The following PCDHA5 variants were observed in gnomAD, a reference collection of about 807,000 sequenced individuals.
PCDHA5 encodes the protein protocadherin alpha 5.
In PCDHA5, 43 loss-of-function variants were observed where a neutral mutation model predicts 61.6. The observed-to-expected ratio is 0.70, with a 90% confidence interval of 0.55 to 0.90. PCDHA5 has a LOEUF of 0.90. Ranked by LOEUF, PCDHA5 falls within the 40% of genes least tolerant of loss-of-function variation. The pLI is 0.00. For missense variants in PCDHA5, 1,298 were observed against 1,222.7 expected, an observed-to-expected ratio of 1.06 and a Z score of -0.92; for synonymous variants, 627 against 543.9, an observed-to-expected ratio of 1.15 and a Z score of -2.13.
chr5:140,866,796 G>T (rs1360079320), intron 1 of PCDHA5: 1 of 152,128 alleles, frequency 6.6e-6, no homozygotes, highest in African/African-American at 2.4e-5. Flanking sequence ...TATAGTAAAA[G>T]TCAGGCACAA....
Position 140,821,985 on chromosome 5 carries a change from C to CG in PCDHA5, c.214dup (p.Asp72GlyfsTer56). ...TGTTCCGGGTGGCGTCCAAGGGCCGCGGGGACCTTCTGGAGGTAAATCTGC... is the reference window on the plus strand; with the variant it reads ...TGTTCCGGGTGGCGTCCAAGGGCCGCGGGGGACCTTCTGGAGGTAAATCTGC... On this transcript the variant is annotated frameshift_variant, in exon 1 of 4. Transcript: ENST00000529859. LOFTEE classifies it high-confidence loss of function. The CG allele has an allele frequency of 6.2e-7, 1 of 1,614,156 alleles. No homozygotes were observed. The highest frequency in any genetic ancestry group is 1.1e-5 in the South Asian group (1 of 91,082).
intron 1 of PCDHA5, chr5:140,877,100 C>A (rs782669477): frequency 2.5e-6 from 4 of 1,613,344 alleles, no homozygotes; most frequent in African/African-American, 1.3e-5. Context: ...GCCGGCGTGC[C>A]GCCTCTGGGC....
At chr5:140,899,795 G>A (rs551068307) in intron 1 of PCDHA5, among the ~76,000 whole-genome samples, 59 of 152,222 alleles carry the variant, frequency 3.9e-4, no homozygotes, top group Non-Finnish European at 7.5e-4. Flanking sequence ...ATTCGGCTGT[G>A]AATCCAATAT....
intron 1 of PCDHA5, chr5:140,884,365 CT>C (rs1264541175): frequency 6.2e-7 from 1 of 1,613,846 alleles, no homozygotes; most frequent in Non-Finnish European, 8.5e-7. Context: ...TCAATGTTTA[CT>C]TGATCATTGC....
chr5:140,980,901 T>C, intron 2 of PCDHA5, among the ~76,000 whole-genome samples: 1 of 152,218 alleles, frequency 6.6e-6, no homozygotes, highest in East Asian at 1.9e-4. Context: ...TTGGACATCA[T>C]GTAACTATTC....
intron 1 of PCDHA5, chr5:140,967,531 T>C (rs1399482021): frequency 3.7e-6 from 6 of 1,613,104 alleles, no homozygotes; most frequent in Non-Finnish European, 4.2e-6. Context: ...ACAACTCTCC[T>C]GCCTTTGACC....
intron 3 of PCDHA5, among the ~76,000 whole-genome samples, chr5:140,989,753 A>G (rs1349273749): frequency 6.6e-6 from 1 of 152,224 alleles, no homozygotes; most frequent in Admixed American, 6.5e-5. Context: ...ATCTGGAGAA[A>G]CATATTCAGT....
intron 1 of PCDHA5, chr5:140,884,080 T>C (rs2059984285): frequency 6.2e-7 from 1 of 1,613,538 alleles, no homozygotes; most frequent in Non-Finnish European, 8.5e-7. Flanking sequence ...CGGGCTACAA[T>C]GCGTGGCTTT....
Position 140,836,456 on chromosome 5 carries a change from C to T in PCDHA5, c.2352+12329C>T, listed in dbSNP as rs2150261271. ...CGTTGGGCATTGCAGGCCCAGAGAC[C>T]GAGCTGGTGGATGTCAACGTGTACC... is the stretch of plus-strand genomic sequence containing the variant. On this transcript the variant is annotated intron_variant, in intron 1 of 3. Coordinates refer to ENST00000529859, the MANE Select transcript of PCDHA5 (RefSeq NM_018908.3). 9 of 1,613,808 alleles carry T rather than the reference C, an allele frequency of 5.6e-6. No individual in the cohort carries two copies. In the South Asian group the frequency reaches 7.7e-5, roughly 14 times the overall value.
chr5:140,952,041 T>C (rs1202542852), intron 1 of PCDHA5, among the ~76,000 whole-genome samples: 1 of 152,108 alleles, frequency 6.6e-6, no homozygotes, highest in African/African-American at 2.4e-5. Flanking sequence ...AGTAGGGCAG[T>C]TATTAAATCT....
rs575152424 is a variant in PCDHA5 at position 140,895,872 on chromosome 5, C to T, written c.2352+71745C>T. Among the ~76,000 whole-genome samples, 3 of 152,222 alleles carry T rather than the reference C, an allele frequency of 2.0e-5. No homozygotes were observed. The South Asian group carries it at 6.2e-4, about 32-fold the overall frequency. ...TGTACCCCAGGCTGGAGTGCAATGG[C>T]GCGATCTCGGCTCACTGCAACCTCC... On this transcript the variant is annotated intron_variant, in intron 1 of 3. Transcript: ENST00000529859.
At chr5:140,827,578 T>C (rs1769338145) in intron 1 of PCDHA5, among the ~76,000 whole-genome samples, 1 of 152,224 alleles carries the variant, frequency 6.6e-6, no homozygotes, top group African/African-American at 2.4e-5. Context: ...TATAATAGCA[T>C]GTCCTAGGAA....
At position 141,003,456 on chromosome 5, in the gene PCDHA5, C is replaced by T. The variant is rs187279966; in HGVS notation, c.2501-6171C>T. Among the ~76,000 whole-genome samples the T allele has an allele frequency of 1.2e-3, 188 of 152,136 alleles. 1 individual carries two copies. The highest frequency in any genetic ancestry group is 4.1e-3 in the African/African-American group (172 of 41,508). On this transcript the variant is annotated intron_variant, in intron 3 of 3. Transcript: ENST00000529859. ...CCTCCCAAGTAGATGAAATTACAGGCGTGCACCACCACAGTCTCGCTAATT... is the reference window on the plus strand; with the variant it reads ...CCTCCCAAGTAGATGAAATTACAGGTGTGCACCACCACAGTCTCGCTAATT...
At position 140,869,840 on chromosome 5, in the gene PCDHA5, A is replaced by T. The variant is rs782569950; in HGVS notation, c.2352+45713A>T. 9 of 1,611,616 alleles carry T rather than the reference A, an allele frequency of 5.6e-6. No homozygotes were observed. The Admixed American group carries it at 1.5e-4, about 27-fold the overall frequency. On this transcript the variant is annotated intron_variant, in intron 1 of 3. Transcript: ENST00000529859. The stretch of plus-strand genomic sequence containing the variant: ...AATGATCCAGAGTTTGATAAATCAG[A>T]ATATAAGGTGAGCCTTATGGAAAAT...
At position 140,823,861 on chromosome 5, in the gene PCDHA5, A is replaced by C; in HGVS notation, c.2086A>C (p.Asn696His). 6.2e-7 allele frequency: 1 copy of C among 1,613,800 alleles called. No individual in the cohort carries two copies. The highest frequency in any genetic ancestry group is 8.5e-7 in the Non-Finnish European group (1 of 1,179,914). The change falls in exon 1 of 4, where the codon AAC becomes CAC. Residue 696 changes from asparagine (N) to histidine (H), a missense_variant. Coordinates refer to ENST00000529859, the MANE Select transcript of PCDHA5 (RefSeq NM_018908.3). ...TCCCGAGGCTGCCCTGGTGGATGTC[A>C]ACGTGTACCTGATCATCGCCATCTG... Reference protein sequence around the residue: ...VGPEAALVDVNVYLIIAICAV... With the variant: ...VGPEAALVDVHVYLIIAICAV...
chr5:140,884,634 G>T (rs1263952131), intron 1 of PCDHA5: 2 of 1,612,298 alleles, frequency 1.2e-6, no homozygotes, highest in Middle Eastern at 1.6e-4. Context: ...ACAGGCCAGA[G>T]GGAGGAGGAC....
At chr5:140,983,239 C>A (rs557831259) in intron 3 of PCDHA5, among the ~76,000 whole-genome samples, 53 of 152,294 alleles carry the variant, frequency 3.5e-4, no homozygotes, top group African/African-American at 1.2e-3. Context: ...GGAAAGAGAA[C>A]CTGCTAAGTT....
At chr5:140,834,097 A>C (rs905857703) in intron 1 of PCDHA5, among the ~76,000 whole-genome samples, 1 of 152,208 alleles carries the variant, frequency 6.6e-6, no homozygotes, top group Non-Finnish European at 1.5e-5. Flanking sequence ...AACAATGAAG[A>C]AAAAAATTCA....
chr5:140,941,467 C>G (rs1290341607), intron 1 of PCDHA5, among the ~76,000 whole-genome samples: 4 of 151,456 alleles, frequency 2.6e-5, no homozygotes, highest in Non-Finnish European at 5.9e-5. Context: ...AGGCGCCCAC[C>G]ACCACGCCTG....
Sources: allele counts gnomAD v4.1 joint callset (sites outside exome capture counted in the v4.1 genomes callset), GRCh38; gene constraint gnomAD v4.1.1; transcripts MANE v1.5; gene names NCBI Gene and HGNC (gene_info 2026-07-23, HGNC 2026-07-21).